The following FBN2 variants were observed in gnomAD, a reference collection of about 807,000 sequenced individuals.
The protein encoded by FBN2 is fibrillin 2.
In FBN2, 105 loss-of-function variants were observed where a neutral mutation model predicts 355.6. The observed-to-expected ratio is 0.30, with a 90% CI of 0.25 to 0.35. The LOEUF (loss-of-function observed/expected upper bound fraction) is 0.35, where lower values mean the gene tolerates loss of function less well. FBN2 is among the 10% of genes least tolerant of loss of function. The pLI is 1.00. For synonymous variants in FBN2, 1,350 were observed against 1,301.2 expected, an observed-to-expected ratio of 1.04 and a Z score of -0.81; for missense variants, 3,280 against 3,758.7, an observed-to-expected ratio of 0.87 and a Z score of 3.33.
chr5:128,416,403 G>A (rs1753200142), intron 7 of FBN2, among the ~76,000 whole-genome samples: 1 of 152,174 alleles, frequency 6.6e-6, no homozygotes, highest in Non-Finnish European at 1.5e-5. Flanking sequence ...CTGTTCAGAA[G>A]CTTTTAGTTT....
rs142778180 is a variant in FBN2 at position 128,461,323 on chromosome 5, G to T, written c.826+3401C>A. On this transcript the variant is annotated intron_variant, in intron 6 of 64. Transcript: ENST00000262464. Reference sequence around the variant, plus strand: ...ATGAGATACCATCTCACACCATTCAGAATGGTGATTATTAAAAAGTCAGGA... The same window carrying T: ...ATGAGATACCATCTCACACCATTCATAATGGTGATTATTAAAAAGTCAGGA... 6.8e-3 allele frequency among the ~76,000 whole-genome samples: 1,039 copies of T among 152,270 alleles called. 14 individuals are homozygous for T. The highest frequency in any genetic ancestry group is 0.023 in the African/African-American group (976 of 41,542).
chr5:128,416,020 T>A (rs1318358506), intron 7 of FBN2, among the ~76,000 whole-genome samples: 1 of 151,800 alleles, frequency 6.6e-6, no homozygotes, highest in African/African-American at 2.4e-5. Context: ...ATGTCCATAG[T>A]TTGCACTTTT....
chr5:128,479,970 CTCTCTCTATATATA>C (rs1238753195), intron 5 of FBN2, among the ~76,000 whole-genome samples: 22 of 24,298 alleles, frequency 9.1e-4, no homozygotes, highest in African/African-American at 1.9e-3. Flanking sequence ...CTCTCTCTCT[CTCTCTCTATATATA>C]TATATATATA....
At chr5:128,272,831 G>C (rs1275507188) in intron 61 of FBN2, among the ~76,000 whole-genome samples, 1 of 152,016 alleles carries the variant, frequency 6.6e-6, no homozygotes, top group African/African-American at 2.4e-5. Context: ...TTAATAAATG[G>C]TATCTTATGG....
At chr5:128,527,217 C>T (rs1025094820) in intron 4 of FBN2, among the ~76,000 whole-genome samples, 4 of 152,154 alleles carry the variant, frequency 2.6e-5, no homozygotes, top group African/African-American at 9.6e-5. Context: ...CCCAAATGTT[C>T]CACAGTGATG....
intron 17 of FBN2, among the ~76,000 whole-genome samples, chr5:128,365,919 A>G (rs1375347393): frequency 6.6e-6 from 1 of 151,766 alleles, no homozygotes; most frequent in Non-Finnish European, 1.5e-5. Context: ...GAAATGTTTT[A>G]TTATTCTTAG....
chr5:128,400,073 G>A (rs901125255), intron 8 of FBN2, among the ~76,000 whole-genome samples: 1 of 151,764 alleles, frequency 6.6e-6, no homozygotes, highest in Admixed American at 6.6e-5. Flanking sequence ...CTGTTTAAAA[G>A]AAATGCATTT....
chr5:128,271,703 G>A (rs1765271486), intron 62 of FBN2, among the ~76,000 whole-genome samples: 1 of 152,150 alleles, frequency 6.6e-6, no homozygotes. Context: ...CGCAAACAAA[G>A]ATGATGATTC....
intron 5 of FBN2, among the ~76,000 whole-genome samples, chr5:128,496,644 G>A (rs765143453): frequency 9.2e-5 from 14 of 152,002 alleles, no homozygotes; most frequent in Non-Finnish European, 1.0e-4. Flanking sequence ...TTGTACCAGA[G>A]GTTCCAGCCA....
At chr5:128,475,868 T>C (rs6882394) in intron 5 of FBN2, among the ~76,000 whole-genome samples, 57,556 of 152,054 alleles carry the variant, frequency 0.38, 12,938 homozygotes, top group African/African-American at 0.64. Flanking sequence ...GAGAAAGGAT[T>C]CTTGAAACAA....
At chr5:128,465,104 T>A (rs1229841958) in intron 5 of FBN2, among the ~76,000 whole-genome samples, 183 bp from the exon 6 acceptor site, 1 of 152,216 alleles carries the variant, frequency 6.6e-6, no homozygotes, top group African/African-American at 2.4e-5. Flanking sequence ...TTAAGAGACT[T>A]CAATGTATTC....
intron 5 of FBN2, among the ~76,000 whole-genome samples, chr5:128,518,598 G>A (rs995225961): frequency 1.3e-5 from 2 of 152,138 alleles, no homozygotes; most frequent in Admixed American, 1.3e-4. Flanking sequence ...AAAAACTCAA[G>A]CTTAAACCAG....
intron 62 of FBN2, among the ~76,000 whole-genome samples, chr5:128,267,326 G>GAATATA (rs1765142524): frequency 1.3e-5 from 2 of 152,088 alleles, no homozygotes; most frequent in African/African-American, 4.8e-5. Flanking sequence ...TATTCCTGTG[G>GAATATA]GTATATATCC....
At chr5:128,266,251 G>T (rs1299184560) in intron 62 of FBN2, among the ~76,000 whole-genome samples, 1 of 152,140 alleles carries the variant, frequency 6.6e-6, no homozygotes, top group Non-Finnish European at 1.5e-5. Context: ...ATAAATCCCT[G>T]ATGTGTCGTA....
At chr5:128,264,095 C>T (rs926561691) in intron 62 of FBN2, among the ~76,000 whole-genome samples, 18 of 152,028 alleles carry the variant, frequency 1.2e-4, no homozygotes, top group Non-Finnish European at 2.4e-4. Context: ...TGAGAATGTT[C>T]GGAAACTGGT....
At chr5:128,345,315 T>C (rs1435573024) in intron 24 of FBN2, 42 bp downstream of exon 24, 1 of 1,471,978 alleles carries the variant, frequency 6.8e-7, no homozygotes, top group South Asian at 1.1e-5. Context: ...GAAGGCTTCC[T>C]GTTGGTGAAG....
At chr5:128,312,542 T>C in intron 37 of FBN2, 92 bp downstream of exon 37, 1 of 1,442,410 alleles carries the variant, frequency 6.9e-7, no homozygotes, top group East Asian at 2.3e-5. Flanking sequence ...TTGTCCTCAC[T>C]AAACACTCCT....
chr5:128,345,600 A>G lies in FBN2; in HGVS notation c.2990-16T>C. On this transcript the variant is annotated splice_polypyrimidine_tract_variant and intron_variant, in intron 23 of 64. Transcript: ENST00000262464. ...ATGCGAATATCTACACCGAGAACGA[A>G]ATCACAGGGTGAGAATGAGTTGAAA... 1 of 1,599,594 alleles carries G rather than the reference A, an allele frequency of 6.3e-7. No individual in the cohort carries two copies.
chr5:128,447,769 A>T (rs1295159679), intron 6 of FBN2, among the ~76,000 whole-genome samples: 2 of 152,166 alleles, frequency 1.3e-5, no homozygotes, highest in African/African-American at 4.8e-5. Context: ...GCATCACGGC[A>T]CCTGCCGACA....
Sources: gnomAD v4.1 joint callset for allele counts (sites outside exome capture counted in the v4.1 genomes callset) on GRCh38, gnomAD v4.1.1 for gene constraint, MANE v1.5 for transcripts, NCBI Gene and HGNC (gene_info 2026-07-23, HGNC 2026-07-21) for gene names.